GPD1L: variants seen among roughly 807,000 people sequenced by gnomAD.
GPD1L encodes glycerol-3-phosphate dehydrogenase 1 like.
GPD1L carries 17 observed loss-of-function variants against 32.9 expected under a neutral mutation model. The ratio of observed to expected loss-of-function variants is 0.52; its 90% CI spans 0.35 to 0.78. The LOEUF is 0.78. GPD1L is among the 30% of genes least tolerant of loss of function. The pLI is 0.01. For synonymous variants in GPD1L, 187 were observed against 165.9 expected (o/e 1.13, Z -0.98); for missense variants, 361 against 447.8 (o/e 0.81, Z 1.75).
At chr3:32,145,426 G>C (rs1011317044) in intron 4 of GPD1L, among the ~76,000 whole-genome samples, 8 of 152,158 alleles carry the variant, frequency 5.3e-5, no homozygotes, top group African/African-American at 1.7e-4. Flanking sequence ...CCACCTCTTG[G>C]ATGGGCATTG....
At chr3:32,143,131 G>A (rs1700772714) in intron 4 of GPD1L, among the ~76,000 whole-genome samples, 1 of 152,006 alleles carries the variant, frequency 6.6e-6, no homozygotes, top group Non-Finnish European at 1.5e-5. Context: ...CGAGGCTGTA[G>A]TCACTGCAGT....
At chr3:32,130,240 G>A (rs1035100817) in intron 2 of GPD1L, among the ~76,000 whole-genome samples, 1 of 152,040 alleles carries the variant, frequency 6.6e-6, no homozygotes, top group Non-Finnish European at 1.5e-5. Context: ...TGTGGACAGA[G>A]GCAGGAGAAT....
intron 1 of GPD1L, among the ~76,000 whole-genome samples, chr3:32,113,712 C>G (rs1007076832): frequency 1.3e-5 from 2 of 152,198 alleles, no homozygotes; most frequent in Admixed American, 1.3e-4. Context: ...TTAGTGGCTT[C>G]AGACAGCAAT....
chr3:32,128,429 G>A (rs1051183081), intron 2 of GPD1L, among the ~76,000 whole-genome samples, 176 bp downstream of exon 2: 2 of 152,090 alleles, frequency 1.3e-5, no homozygotes, highest in Non-Finnish European at 2.9e-5. Flanking sequence ...CTATTATGTT[G>A]CTAAGGATGC....
At chr3:32,121,624 T>TC (rs1553657530) in intron 1 of GPD1L, among the ~76,000 whole-genome samples, 6 of 65,882 alleles carry the variant, frequency 9.1e-5, no homozygotes, top group African/African-American at 5.4e-4. Context: ...TCTATATATA[T>TC]TATATATATT....
chr3:32,121,589 CTA>C (rs1208760907), intron 1 of GPD1L, among the ~76,000 whole-genome samples: 2,991 of 89,432 alleles, frequency 0.033, 117 homozygotes, highest in South Asian at 0.059. Flanking sequence ...ATATATATTT[CTA>C]TATATATATT....
At chr3:32,162,970 G>T (rs1404862310) in intron 7 of GPD1L, among the ~76,000 whole-genome samples, 3 of 151,910 alleles carry the variant, frequency 2.0e-5, no homozygotes, top group African/African-American at 2.4e-5. Context: ...CGTTGCCCAG[G>T]CTGGTCTCGA....
chr3:32,151,278 G>T, intron 5 of GPD1L: 1 of 597,788 alleles, frequency 1.7e-6, no homozygotes, highest in Non-Finnish European at 3.1e-6. Context: ...AGCTTAATAT[G>T]CTCCATACAC....
intron 3 of GPD1L, 144 bp downstream of exon 3, chr3:32,138,871 A>G (rs1700702317): frequency 1.2e-6 from 1 of 827,324 alleles, no homozygotes. Context: ...CTCAAAAGTC[A>G]TAAAAAAAAT....
At chr3:32,161,591 GTGCCTTGA>G in intron 7 of GPD1L, among the ~76,000 whole-genome samples, 1 of 152,188 alleles carries the variant, frequency 6.6e-6, no homozygotes, top group African/African-American at 2.4e-5. Context: ...CTACCATGGG[GTGCCTTGA>G]TAGGATTCTC....
intron 2 of GPD1L, among the ~76,000 whole-genome samples, chr3:32,136,504 A>C (rs1190558735): frequency 2.0e-5 from 3 of 152,230 alleles, no homozygotes; most frequent in Admixed American, 2.0e-4. Flanking sequence ...TCTAGAAAGA[A>C]GGGGAATGGA....
intron 4 of GPD1L, among the ~76,000 whole-genome samples, chr3:32,142,205 A>G (rs1700754943): frequency 6.6e-6 from 1 of 151,508 alleles, no homozygotes; most frequent in African/African-American, 2.4e-5. Context: ...TGCAACCTCC[A>G]ATTCCCTGGT....
chr3:32,140,191 C>T (rs762753077), intron 3 of GPD1L, 37 bp from the exon 4 acceptor site: 32 of 1,611,842 alleles, frequency 2.0e-5, no homozygotes, highest in Non-Finnish European at 2.2e-5. Context: ...TTTGATTTGG[C>T]GGTTTGTTCT....
At chr3:32,119,514 C>T (rs1278839577) in intron 1 of GPD1L, among the ~76,000 whole-genome samples, 1 of 152,036 alleles carries the variant, frequency 6.6e-6, no homozygotes, top group East Asian at 1.9e-4. Context: ...TGGTTTCTTT[C>T]TTTGATTTTA....
chr3:32,144,780 G>C (rs2125489131), intron 4 of GPD1L, among the ~76,000 whole-genome samples: 2 of 150,680 alleles, frequency 1.3e-5, no homozygotes, highest in Middle Eastern at 6.8e-3. Flanking sequence ...CCGCCCCCTG[G>C]GCTCAAATGA....
intron 2 of GPD1L, among the ~76,000 whole-genome samples, chr3:32,128,858 C>T (rs921551676): frequency 3.9e-5 from 6 of 152,228 alleles, no homozygotes; most frequent in Non-Finnish European, 7.3e-5. Context: ...ATGAGATCAG[C>T]TTGCTAGGAC....
chr3:32,125,202 A>G (rs1700488905), intron 1 of GPD1L, among the ~76,000 whole-genome samples: 1 of 152,132 alleles, frequency 6.6e-6, no homozygotes, highest in South Asian at 2.1e-4. Flanking sequence ...TGGGTGGCAA[A>G]TCCAACAGCT....
At chr3:32,111,809 CTCTG>C (rs1700250410) in intron 1 of GPD1L, among the ~76,000 whole-genome samples, 1 of 150,890 alleles carries the variant, frequency 6.6e-6, no homozygotes, top group Non-Finnish European at 1.5e-5. Flanking sequence ...GGACCTGTGA[CTCTG>C]TCTTTTTTTT....
chr3:32,131,740 T>G (rs1443608769), intron 2 of GPD1L, among the ~76,000 whole-genome samples: 1 of 152,262 alleles, frequency 6.6e-6, no homozygotes, highest in East Asian at 1.9e-4. Context: ...TACAATGTTT[T>G]GTATGAACAT....
Sources: gnomAD v4.1 joint callset for allele counts (sites outside exome capture counted in the v4.1 genomes callset) on GRCh38, gnomAD v4.1.1 for gene constraint, MANE v1.5 for transcripts, NCBI Gene and HGNC (gene_info 2026-07-23, HGNC 2026-07-21) for gene names.